Variants in EPHA5 observed in about 807,000 individuals in gnomAD.
EPHA5 encodes the protein ephrin type-A receptor 5.
In EPHA5, 60 loss-of-function variants were observed where a neutral mutation model predicts 105.0. The ratio of observed to expected loss-of-function variants is 0.57; its 90% CI spans 0.46 to 0.71. EPHA5 has a LOEUF of 0.71. Among genes scored for constraint, EPHA5 ranks in the 30% least tolerant of loss-of-function variants. The pLI is 0.00. For synonymous variants in EPHA5, 513 were observed against 449.1 expected (o/e 1.14, Z -1.80); for missense variants, 1,218 against 1,274.7 (o/e 0.96, Z 0.68).
chr4:65,390,595 C>T (rs372487597), intron 8 of EPHA5, among the ~76,000 whole-genome samples: 23 of 152,136 alleles, frequency 1.5e-4, no homozygotes, highest in Middle Eastern at 3.4e-3. Context: ...AAGAACTCAA[C>T]AAACAGCAAC....
chr4:65,628,007 G>A lies in EPHA5; in HGVS notation c.246+15356C>T, dbSNP rs568368245. On this transcript the variant is annotated intron_variant, in intron 2 of 16. Transcript: ENST00000613740. ...TGAAATAAATCACAAATTTAACTCA[G>A]TATGGACTCAAGTTGTCAGTATTAT... is the stretch of plus-strand genomic sequence containing the variant. Among the ~76,000 whole-genome samples, 89 of 152,038 alleles carry A rather than the reference G, an allele frequency of 5.9e-4. 1 individual carries two copies. Among genetic ancestry groups the A allele is most frequent in the Non-Finnish European group, 1.1e-3 (76 of 67,970 alleles).
At chr4:65,577,021 T>A (rs80074248) in intron 3 of EPHA5, among the ~76,000 whole-genome samples, 1 of 152,308 alleles carries the variant, frequency 6.6e-6, no homozygotes, top group East Asian at 1.9e-4. Flanking sequence ...CTTGAACAGG[T>A]ACAAAACTTT....
rs769510851 is a variant in EPHA5, at chr4:65,484,712, A to T, written c.1402+5665T>A. ...ATTGGGACAAAATATACATGTATAT[A>T]TATTAAAAGAGCTTTAAGCTTAAGC... On this transcript the variant is annotated intron_variant, in intron 5 of 16. Transcript: ENST00000613740. 5.3e-5 allele frequency among the ~76,000 whole-genome samples: 8 copies of T among 152,336 alleles called. No individual in the cohort carries two copies. In the South Asian group the frequency reaches 1.7e-3, roughly 32 times the overall value.
chr4:65,612,733 CG>C (rs1158539348), intron 2 of EPHA5, among the ~76,000 whole-genome samples: 1 of 151,896 alleles, frequency 6.6e-6, no homozygotes, highest in Non-Finnish European at 1.5e-5. Context: ...TGTGTTGTTT[CG>C]GGGTTGTTAT....
Position 65,323,144 on chromosome 4 carries a change from A to C in EPHA5, c.*970T>G, listed in dbSNP as rs1719770749. ...GAACTGCATTGTCACTGATATCACA[A>C]AATGTTTTTAAAAAGCCAAAGGGGA... On this transcript the variant is annotated 3_prime_UTR_variant, in exon 17 of 17. Coordinates refer to ENST00000613740, the MANE Select transcript of EPHA5 (RefSeq NM_001281766.3). The C allele has an allele frequency of 4.4e-6, 1 of 228,756 alleles. No individual in the cohort carries two copies. The highest frequency in any genetic ancestry group is 8.7e-6 in the Non-Finnish European group (1 of 115,128). 14.2% of individuals were successfully genotyped at this position (228,756 alleles called of 1,614,324 possible). A position where few individuals can be genotyped will look rare whatever the true frequency, so the allele number is the denominator to read the frequency against.
intron 5 of EPHA5, among the ~76,000 whole-genome samples, chr4:65,473,534 C>A (rs932676455): frequency 3.3e-5 from 5 of 152,088 alleles, no homozygotes; most frequent in Non-Finnish European, 7.3e-5. Context: ...AGAGAGAGAG[C>A]AAGTGCAGGA....
chr4:65,496,836 G>GTGAA (rs1378157967), intron 3 of EPHA5, among the ~76,000 whole-genome samples: 15 of 152,240 alleles, frequency 9.9e-5, no homozygotes, highest in Admixed American at 7.9e-4. Context: ...TATGAAATGT[G>GTGAA]TGAATGAATG....
intron 13 of EPHA5, among the ~76,000 whole-genome samples, chr4:65,350,928 T>G (rs886558293): frequency 2.6e-5 from 4 of 151,990 alleles, no homozygotes; most frequent in Admixed American, 2.0e-4. Context: ...CTGTATTTAT[T>G]TTACAAGTAA....
intron 5 of EPHA5, among the ~76,000 whole-genome samples, chr4:65,477,570 G>A (rs1444430861): frequency 6.6e-6 from 1 of 151,820 alleles, no homozygotes; most frequent in African/African-American, 2.4e-5. Flanking sequence ...GCACCACCAC[G>A]CTCAGGTAAT....
At chr4:65,520,179 G>T (rs1341683145) in intron 3 of EPHA5, among the ~76,000 whole-genome samples, 3 of 151,996 alleles carry the variant, frequency 2.0e-5, no homozygotes, top group African/African-American at 7.2e-5. Flanking sequence ...CCAACACAGA[G>T]ATATAGACCA....
chr4:65,534,702 A>T (rs1484435493), intron 3 of EPHA5, among the ~76,000 whole-genome samples: 10 of 152,168 alleles, frequency 6.6e-5, no homozygotes, highest in African/African-American at 1.9e-4. Flanking sequence ...ACACAAGTTG[A>T]CTCAGGCCGG....
chr4:65,512,890 T>C (rs1054906789), intron 3 of EPHA5, among the ~76,000 whole-genome samples: 1 of 152,012 alleles, frequency 6.6e-6, no homozygotes, highest in East Asian at 1.9e-4. Flanking sequence ...CTATTATACA[T>C]GCCAATATTA....
At chr4:65,475,801 A>T (rs1729739553) in intron 5 of EPHA5, among the ~76,000 whole-genome samples, 1 of 152,164 alleles carries the variant, frequency 6.6e-6, no homozygotes, top group African/African-American at 2.4e-5. Context: ...ATCTGTTTGC[A>T]ACCAGATTTG....
intron 5 of EPHA5, among the ~76,000 whole-genome samples, chr4:65,430,798 A>T (rs557690664): frequency 6.6e-6 from 1 of 152,236 alleles, no homozygotes; most frequent in East Asian, 1.9e-4. Context: ...ACATACAATT[A>T]TGTTAAAGAT....
At chr4:65,407,087 C>T (rs35979022) in intron 7 of EPHA5, among the ~76,000 whole-genome samples, 24,606 of 151,954 alleles carry the variant, frequency 0.16, 2,076 homozygotes, top group Middle Eastern at 0.25. Context: ...TTCTCTCAGC[C>T]TTCTATGTAC....
chr4:65,510,192 G>A (rs921654959), intron 3 of EPHA5, among the ~76,000 whole-genome samples: 32 of 131,856 alleles, frequency 2.4e-4, no homozygotes, highest in Non-Finnish European at 4.8e-4. Flanking sequence ...ATGCCACTAC[G>A]TCTGGCTAAT....
At chr4:65,355,997 G>A (rs1264319135) in intron 11 of EPHA5, among the ~76,000 whole-genome samples, 2 of 151,400 alleles carry the variant, frequency 1.3e-5, no homozygotes, top group African/African-American at 4.8e-5. Context: ...TCTATTGAGA[G>A]GGTTGTCACA....
At chr4:65,386,608 A>T (rs1336944982) in intron 8 of EPHA5, among the ~76,000 whole-genome samples, 2 of 152,016 alleles carry the variant, frequency 1.3e-5, no homozygotes, top group Non-Finnish European at 2.9e-5. Flanking sequence ...CAAAACATTC[A>T]TGACAAAGAT....
chr4:65,599,186 T>C (rs2149432099), intron 3 of EPHA5, among the ~76,000 whole-genome samples: 1 of 152,158 alleles, frequency 6.6e-6, no homozygotes, highest in East Asian at 1.9e-4. Flanking sequence ...AACACTGTGA[T>C]GGATTGGAAC....
Sources: gnomAD v4.1 joint callset for allele counts (sites outside exome capture counted in the v4.1 genomes callset) on GRCh38, gnomAD v4.1.1 for gene constraint, MANE v1.5 for transcripts, NCBI Gene and HGNC (gene_info 2026-07-23, HGNC 2026-07-21) for gene names.